IL17B: variants seen among roughly 807,000 people sequenced by gnomAD.
The protein encoded by IL17B is interleukin-17B.
IL17B carries 14 observed loss-of-function variants against 14.7 expected under a neutral mutation model. That is an observed-to-expected ratio of 0.95 (90% CI 0.63 to 1.49). The LOEUF (loss-of-function observed/expected upper bound fraction) is 1.49. IL17B is among the 40% of genes most tolerant of loss of function. The pLI, the probability that IL17B is intolerant of heterozygous loss-of-function variation, is 0.00. For synonymous variants in IL17B, 105 were observed against 94.8 expected, an observed-to-expected ratio of 1.11 and a Z score of -0.62; for missense variants, 233 against 252.8, an observed-to-expected ratio of 0.92 and a Z score of 0.53.
chr5:149,377,472 G>A (rs932692024), intron 1 of IL17B, among the ~76,000 whole-genome samples: 1 of 152,218 alleles, frequency 6.6e-6, no homozygotes, highest in South Asian at 2.1e-4. Context: ...TGGACTCCGT[G>A]GGGGCACGTG....
intron 1 of IL17B, among the ~76,000 whole-genome samples, chr5:149,390,221 C>T (rs1326422760): frequency 1.4e-5 from 2 of 147,660 alleles, no homozygotes; most frequent in Non-Finnish European, 3.1e-5. Context: ...TTAGTGACCC[C>T]CCCCCTCCCT....
At chr5:149,395,052 C>T (rs557769933) in intron 1 of IL17B, among the ~76,000 whole-genome samples, 2 of 152,176 alleles carry the variant, frequency 1.3e-5, no homozygotes, top group Admixed American at 1.3e-4. Context: ...ATTTAGTGTT[C>T]CCTTCTTTGT....
Position 149,374,296 on chromosome 5 carries a change from A to G in IL17B, c.*73T>C. On this transcript the variant is annotated 3_prime_UTR_variant, in exon 3 of 3. Transcript: ENST00000261796. This position sits in a 1 kb window ranked among gnomAD's most constrained non-coding sequence, Gnocchi z 5.0. ...TTTCAAAAGTCAGTGTTTACTTTTC[A>G]TAGGCCTTTCTTGGCACAAAGGTGC... 1.4e-6 allele frequency: 2 copies of G among 1,392,668 alleles called. No individual in the cohort carries two copies. Among genetic ancestry groups the G allele is most frequent in the Middle Eastern group, 1.9e-4 (1 of 5,344 alleles). The allele number at this position is 1,392,668 out of a possible 1,614,324, so 86.3% of individuals were successfully genotyped here.
At chr5:149,394,188 C>T (rs1477066769) in intron 1 of IL17B, among the ~76,000 whole-genome samples, 5 of 152,102 alleles carry the variant, frequency 3.3e-5, no homozygotes, top group African/African-American at 7.2e-5. Context: ...AACAGTTACG[C>T]GCAGATGAAC....
intron 1 of IL17B, among the ~76,000 whole-genome samples, chr5:149,385,361 A>G (rs1458683289): frequency 6.7e-6 from 1 of 149,090 alleles, no homozygotes; most frequent in Non-Finnish European, 1.5e-5. Flanking sequence ...ATCTCAGAAA[A>G]AACAAAAAAA....
chr5:149,379,503 TG>T (rs953711844), upstream of IL17B, among the ~76,000 whole-genome samples: 3 of 152,152 alleles, frequency 2.0e-5, no homozygotes, highest in African/African-American at 4.8e-5. Flanking sequence ...GTGTGTCTGG[TG>T]GGGCTCTGGC....
intron 1 of IL17B, among the ~76,000 whole-genome samples, chr5:149,399,063 G>C (rs1008041881): frequency 2.6e-5 from 4 of 152,190 alleles, no homozygotes; most frequent in Non-Finnish European, 4.4e-5. Flanking sequence ...AGACTCATTT[G>C]CTATCATGAG....
chr5:149,386,708 G>A (rs1426911874), intron 1 of IL17B, among the ~76,000 whole-genome samples: 13 of 152,178 alleles, frequency 8.5e-5, no homozygotes, highest in Admixed American at 8.5e-4. Flanking sequence ...AGGCACTGGG[G>A]ATATAGTGGT....
intron 1 of IL17B, among the ~76,000 whole-genome samples, chr5:149,378,015 G>A (rs353269): frequency 0.11 from 17,138 of 152,002 alleles, 1,307 homozygotes; most frequent in Non-Finnish European, 0.16. Context: ...GTGGTGGCGG[G>A]TGCCTGTAGT....
intron 1 of IL17B, among the ~76,000 whole-genome samples, chr5:149,399,051 C>A (rs1047365683): frequency 1.3e-5 from 2 of 152,148 alleles, no homozygotes; most frequent in Non-Finnish European, 2.9e-5. Context: ...TCAGATCTCG[C>A]GAGACTCATT....
chr5:149,402,655 A>T (rs1182711594), intron 1 of IL17B, among the ~76,000 whole-genome samples: 1 of 149,618 alleles, frequency 6.7e-6, no homozygotes, highest in Non-Finnish European at 1.5e-5. Context: ...CTTAAAAGGG[A>T]TTATACAATT....
chr5:149,397,033 C>G (rs1287604250), intron 1 of IL17B, among the ~76,000 whole-genome samples: 1 of 152,188 alleles, frequency 6.6e-6, no homozygotes, highest in Non-Finnish European at 1.5e-5. Flanking sequence ...ATTTGAAATA[C>G]TCTCTGCACT....
At chr5:149,388,620 A>G (rs1364152474) in intron 1 of IL17B, among the ~76,000 whole-genome samples, 1 of 152,256 alleles carries the variant, frequency 6.6e-6, no homozygotes, top group East Asian at 1.9e-4. Flanking sequence ...ATCGGTCAGT[A>G]TAGGCCAAGT....
chr5:149,387,197 CAAT>C (rs1298260634), intron 1 of IL17B, among the ~76,000 whole-genome samples: 1 of 152,182 alleles, frequency 6.6e-6, no homozygotes, highest in Admixed American at 6.5e-5. Context: ...GAGGAAGGTA[CAAT>C]GTCTCCAGAA....
intron 1 of IL17B, 128 bp downstream of exon 1, chr5:149,379,077 G>A (rs1581385476): frequency 1.8e-6 from 2 of 1,093,748 alleles, no homozygotes; most frequent in Non-Finnish European, 2.8e-6. Flanking sequence ...TCCTGGGGGA[G>A]AAGACAGAGA....
At chr5:149,384,624 G>T (rs987902750) in intron 1 of IL17B, among the ~76,000 whole-genome samples, 2 of 152,146 alleles carry the variant, frequency 1.3e-5, no homozygotes. Flanking sequence ...AAAGAGAGGT[G>T]GGGGGTTAAC....
At chr5:149,385,075 A>G (rs930862667) in intron 1 of IL17B, among the ~76,000 whole-genome samples, 3 of 148,868 alleles carry the variant, frequency 2.0e-5, no homozygotes, top group African/African-American at 7.4e-5. Flanking sequence ...CACCATGCCC[A>G]GCTAATTTTT....
chr5:149,391,819 T>C (rs1758974852), intron 1 of IL17B, among the ~76,000 whole-genome samples: 2 of 152,228 alleles, frequency 1.3e-5, no homozygotes, highest in South Asian at 4.1e-4. Flanking sequence ...CACCATTGGC[T>C]ATAAGCTCTG....
chr5:149,383,739 T>C (rs1234267881), upstream of IL17B, among the ~76,000 whole-genome samples: 2 of 152,206 alleles, frequency 1.3e-5, no homozygotes, highest in African/African-American at 4.8e-5. Context: ...CCTGGGTGAA[T>C]GGGCGGCCTC....
Sources: gnomAD v4.1 joint callset for allele counts (sites outside exome capture counted in the v4.1 genomes callset) on GRCh38, gnomAD v4.1.1 for gene constraint, Gnocchi (gnomAD v3.1) non-coding constraint, MANE v1.5 for transcripts, NCBI Gene and HGNC (gene_info 2026-07-23, HGNC 2026-07-21) for gene names.